Variants in FOCAD observed in about 807,000 individuals in gnomAD.
FOCAD encodes the protein focadhesin, also known as KIAA1797.
FOCAD carries 198 observed loss-of-function variants against 225.6 expected under a neutral mutation model. That is an observed-to-expected ratio of 0.88 (90% CI 0.78 to 0.99). The LOEUF (loss-of-function observed/expected upper bound fraction) is 0.99. Ranked by LOEUF, FOCAD falls within the 50% of genes least tolerant of loss-of-function variation. The pLI is 0.00. For missense variants in FOCAD, 2,713 were observed against 2,123.6 expected (o/e 1.28, Z -5.46); for synonymous variants, 897 against 755.0 (o/e 1.19, Z -3.08).
In FOCAD at chr9:20,819,919, T is replaced by G. The variant is rs1328419773; in HGVS notation, c.1560+19T>G. ...TCACAAGGTTAGTATGTTAATTAAT[T>G]TAGTTGGCGAAAAAAGTGAGTCATG... On this transcript the variant is annotated intron_variant, in intron 12 of 43. Transcript: ENST00000338382. 1 of 1,402,072 alleles carries G rather than the reference T, an allele frequency of 7.1e-7. No individual in the cohort carries two copies. The highest frequency in any genetic ancestry group is 1.5e-5 in the African/African-American group (1 of 67,720). The allele number at this position is 1,402,072 out of a possible 1,614,324, so 86.9% of individuals were successfully genotyped here.
At chr9:20,800,232 G>T (rs1371565583) in intron 11 of FOCAD, among the ~76,000 whole-genome samples, 1 of 152,088 alleles carries the variant, frequency 6.6e-6, no homozygotes, top group East Asian at 1.9e-4. Context: ...TAGTCTGATG[G>T]GCTTCCCTTT....
intron 28 of FOCAD, 105 bp from the exon 29 acceptor site, chr9:20,944,522 G>A: frequency 2.3e-6 from 3 of 1,288,304 alleles, no homozygotes; most frequent in Non-Finnish European, 2.2e-6. Context: ...TTTGAATCCA[G>A]CCATCTCACC....
chr9:20,817,113 T>C (rs1235238147), intron 11 of FOCAD, among the ~76,000 whole-genome samples: 1 of 152,126 alleles, frequency 6.6e-6, no homozygotes, highest in East Asian at 1.9e-4. Context: ...AAATAAAATT[T>C]TTTGGCATTA....
At chr9:20,767,174 A>G (rs1830121497) in intron 7 of FOCAD, among the ~76,000 whole-genome samples, 1 of 150,720 alleles carries the variant, frequency 6.6e-6, no homozygotes, top group African/African-American at 2.4e-5. Context: ...TTATGGCTGC[A>G]TAGTATTCCA....
At chr9:20,800,164 T>A (rs1319262832) in intron 11 of FOCAD, among the ~76,000 whole-genome samples, 2 of 152,138 alleles carry the variant, frequency 1.3e-5, no homozygotes. Context: ...TTAAAATTGT[T>A]AAATATTGGC....
chr9:20,657,144 T>G (rs1821513047), upstream of FOCAD, among the ~76,000 whole-genome samples: 1 of 152,140 alleles, frequency 6.6e-6, no homozygotes, highest in Non-Finnish European at 1.5e-5. Context: ...TGCCGAGAGA[T>G]CCGCTGTTAG....
chr9:20,923,856 G>C, intron 25 of FOCAD, 88 bp downstream of exon 25: 1 of 951,110 alleles, frequency 1.1e-6, no homozygotes, highest in Non-Finnish European at 1.7e-6. Flanking sequence ...TACAAGGTTA[G>C]ATTCTGTGAT....
intron 11 of FOCAD, among the ~76,000 whole-genome samples, chr9:20,801,758 G>T (rs545654026): frequency 3.9e-5 from 6 of 152,010 alleles, no homozygotes; most frequent in African/African-American, 7.2e-5. Context: ...TTTCTTGTTG[G>T]GGTGTCAAAG....
At chr9:20,906,940 G>C (rs1471821846) in intron 21 of FOCAD, among the ~76,000 whole-genome samples, 2 of 151,872 alleles carry the variant, frequency 1.3e-5, no homozygotes, top group Non-Finnish European at 2.9e-5. Context: ...CAAAATTCTA[G>C]GCTTACTTTA....
At chr9:20,864,408 C>A (rs1263867859) in intron 16 of FOCAD, among the ~76,000 whole-genome samples, 1 of 152,046 alleles carries the variant, frequency 6.6e-6, no homozygotes, top group East Asian at 1.9e-4. Context: ...TCAAACTTTT[C>A]CTTCCTCCAA....
intron 7 of FOCAD, among the ~76,000 whole-genome samples, chr9:20,766,598 C>G (rs1219990055): frequency 6.6e-6 from 1 of 152,014 alleles, no homozygotes; most frequent in African/African-American, 2.4e-5. Context: ...CCATCTGTAT[C>G]CTATCTTATT....
chr9:20,804,002 G>C (rs1173196344), intron 11 of FOCAD, among the ~76,000 whole-genome samples: 2 of 152,018 alleles, frequency 1.3e-5, no homozygotes, highest in African/African-American at 4.8e-5. Flanking sequence ...AGTAAGACAT[G>C]TGGAGATAAT....
chr9:20,943,621 T>C (rs746264476), intron 28 of FOCAD, among the ~76,000 whole-genome samples: 4 of 152,154 alleles, frequency 2.6e-5, no homozygotes, highest in African/African-American at 7.2e-5. Flanking sequence ...GCAAATGTTC[T>C]TGACACTGAC....
At chr9:20,728,674 C>A (rs1826412933) in intron 4 of FOCAD, among the ~76,000 whole-genome samples, 1 of 152,146 alleles carries the variant, frequency 6.6e-6, no homozygotes, top group Non-Finnish European at 1.5e-5. Context: ...TTTAAGGGTT[C>A]TTGAGTAAAT....
intron 8 of FOCAD, among the ~76,000 whole-genome samples, chr9:20,773,343 C>T (rs1266261776): frequency 6.6e-6 from 1 of 152,178 alleles, no homozygotes; most frequent in Non-Finnish European, 1.5e-5. Context: ...AATCACTAGG[C>T]AGAGTTTGTT....
At position 20,685,308 on chromosome 9, in the gene FOCAD, C is replaced by G. The variant is rs140690367; in HGVS notation, c.-33+1015C>G. Among the ~76,000 whole-genome samples, 10 of 151,618 alleles carry G rather than the reference C, an allele frequency of 6.6e-5. No homozygotes were observed. In the East Asian group the frequency reaches 1.9e-3, roughly 29 times the overall value. ...ATGACTCCAGGTTTCAGTGGCCTATCTGTAAGAAGAGGAATGGGATTAGTA... is the reference window on the plus strand; with the variant it reads ...ATGACTCCAGGTTTCAGTGGCCTATGTGTAAGAAGAGGAATGGGATTAGTA... On this transcript the variant is annotated intron_variant, in intron 1 of 43. Transcript: ENST00000338382.
rs200808450 is a variant in FOCAD, at chr9:20,948,294, A to G, written c.3699A>G (p.Leu1233=). The change falls in exon 31 of 44, where the codon TTA becomes TTG. Residue 1233 remains leucine, a synonymous_variant. Coordinates refer to ENST00000338382, the MANE Select transcript of FOCAD (RefSeq NM_001375567.1). ...AGACTTCAGGTTTTGCCCTGGCTTT[A>G]GGAAACATAGTTCATGGATTGTCTG... ...SQQTSGFALA[L]GNIVHGLSVC... is the part of the protein sequence containing the mutation. 1.2e-6 allele frequency: 2 copies of G among 1,610,076 alleles called. No individual in the cohort carries two copies. Among genetic ancestry groups the G allele is most frequent in the Admixed American group, 1.7e-5 (1 of 59,828 alleles).
At chr9:20,994,703 C>T (rs771988991) in intron 43 of FOCAD, among the ~76,000 whole-genome samples, 2 of 152,180 alleles carry the variant, frequency 1.3e-5, no homozygotes, top group Non-Finnish European at 2.9e-5. Context: ...GCTGCTAGGG[C>T]TTACTCTGTT....
At chr9:20,818,252 T>C (rs1377224080) in intron 11 of FOCAD, among the ~76,000 whole-genome samples, 1 of 152,116 alleles carries the variant, frequency 6.6e-6, no homozygotes, top group African/African-American at 2.4e-5. Flanking sequence ...GTTTTAAGAG[T>C]TCTTTATATA....
Sources: allele counts gnomAD v4.1 joint callset (sites outside exome capture counted in the v4.1 genomes callset), GRCh38; gene constraint gnomAD v4.1.1; transcripts MANE v1.5; gene names NCBI Gene and HGNC (gene_info 2026-07-23, HGNC 2026-07-21).